IP6K2: variants seen among roughly 807,000 people sequenced by gnomAD.
IP6K2 encodes the protein ATP:1D-myo-inositol-hexakisphosphate phosphotransferase.
A neutral mutation model predicts 43.3 loss-of-function variants in IP6K2; 9 were observed. The observed-to-expected ratio is 0.21, with a 90% CI of 0.13 to 0.36. The LOEUF is 0.36. Among genes scored for constraint, IP6K2 ranks in the 10% least tolerant of loss-of-function variants. IP6K2 has a pLI of 1.00. For synonymous variants in IP6K2, 209 were observed against 202.4 expected, an observed-to-expected ratio of 1.03 and a Z score of -0.28; for missense variants, 332 against 538.4, an observed-to-expected ratio of 0.62 and a Z score of 3.79.
chr3:48,711,649 A>G (rs1460478900), intron 1 of IP6K2, among the ~76,000 whole-genome samples: 1 of 152,238 alleles, frequency 6.6e-6, no homozygotes, highest in Non-Finnish European at 1.5e-5. Context: ...TTCCATTCAT[A>G]ATAGATGAAA....
At chr3:48,703,400 C>A (rs1001283589) in intron 1 of IP6K2, among the ~76,000 whole-genome samples, 4 of 152,092 alleles carry the variant, frequency 2.6e-5, no homozygotes, top group African/African-American at 9.7e-5. Flanking sequence ...GTTGCTAAAT[C>A]GTCACTAAAA....
At position 48,688,944 on chromosome 3, in the gene IP6K2, G is replaced by A. The variant is rs145759696; in HGVS notation, c.781-171C>T. ...ATGCTCTCTGATCAGCCCCCACCTG[G>A]GATGCAGCCATCCAACCTGGGTTTG... On this transcript the variant is annotated intron_variant, in intron 5 of 5. Coordinates refer to ENST00000328631, the MANE Select transcript of IP6K2 (RefSeq NM_016291.4). The surrounding 1 kb of genome is among the most constrained non-coding windows in gnomAD (Gnocchi z 5.1). Among the ~76,000 whole-genome samples the A allele has an allele frequency of 7.7e-3, 1,173 of 152,296 alleles. 8 individuals are homozygous for A. Among genetic ancestry groups the A allele is most frequent in the Non-Finnish European group, 0.01 (681 of 68,020 alleles).
intron 1 of IP6K2, among the ~76,000 whole-genome samples, chr3:48,696,065 T>C (rs2078310110): frequency 6.6e-6 from 1 of 151,668 alleles, no homozygotes; most frequent in Non-Finnish European, 1.5e-5. Context: ...TTTGTATTTT[T>C]AGTAGAGACG....
At chr3:48,699,695 G>A (rs892114417) in intron 1 of IP6K2, 4 of 152,228 alleles carry the variant, frequency 2.6e-5, no homozygotes, top group African/African-American at 9.7e-5. Flanking sequence ...CCATCCTGTA[G>A]TGAGGTGGAG....
At chr3:48,704,058 C>T (rs997098689) in intron 1 of IP6K2, among the ~76,000 whole-genome samples, 6 of 152,012 alleles carry the variant, frequency 3.9e-5, no homozygotes, top group Non-Finnish European at 8.8e-5. Context: ...CGCCACTGCA[C>T]TCTAGCCTGG....
Position 48,695,595 on chromosome 3 carries a change from A to G in IP6K2, c.-130-174T>C. 1.2e-6 allele frequency: 1 copy of G among 800,654 alleles called. No homozygotes were observed. The highest frequency in any genetic ancestry group is 5.7e-5 in the South Asian group (1 of 17,676). 49.6% of individuals were successfully genotyped at this position (800,654 alleles called of 1,614,324 possible). On this transcript the variant is annotated intron_variant, in intron 1 of 5. Coordinates refer to ENST00000328631, the MANE Select transcript of IP6K2 (RefSeq NM_016291.4). The surrounding 1 kb of genome is among the most constrained non-coding windows in gnomAD (Gnocchi z 4.6). ...CCTTCTCCGGCAGAAAAACAAAAAC[A>G]CTATGAGCTCATGGGGCGGGGTTAG...
At position 48,692,128 on chromosome 3, in the gene IP6K2, C is replaced by T. The variant is rs80118683; in HGVS notation, c.429-646G>A. Among the ~76,000 whole-genome samples, 1,078 of 152,232 alleles carry T rather than the reference C, an allele frequency of 7.1e-3. 14 individuals are homozygous for T. The highest frequency in any genetic ancestry group is 0.024 in the African/African-American group (1,005 of 41,530). On this transcript the variant is annotated intron_variant, in intron 3 of 5. Coordinates refer to ENST00000328631, the MANE Select transcript of IP6K2 (RefSeq NM_016291.4). ...GATTACAGGCATGAGCCACCGCACC[C>T]GGCCAGAAACTTTCTACAGTAATGA...
At chr3:48,697,795 C>T (rs2078566529) in intron 1 of IP6K2, among the ~76,000 whole-genome samples, 1 of 152,108 alleles carries the variant, frequency 6.6e-6, no homozygotes, top group African/African-American at 2.4e-5. Flanking sequence ...CTGCCTGTCT[C>T]AGCCTCCCAA....
chr3:48,695,610 G>A lies in IP6K2; in HGVS notation c.-130-189C>T. ...AAACAAAAACACTATGAGCTCATGG[G>A]GCGGGGTTAGATGCAGACAGGCAGG... On this transcript the variant is annotated intron_variant, in intron 1 of 5. Coordinates refer to ENST00000328631, the MANE Select transcript of IP6K2 (RefSeq NM_016291.4). This position sits in a 1 kb window ranked among gnomAD's most constrained non-coding sequence, Gnocchi z 4.6. The A allele has an allele frequency of 1.5e-6, 1 of 665,668 alleles. No individual in the cohort carries two copies. Among genetic ancestry groups the A allele is most frequent in the Non-Finnish European group, 2.1e-6 (1 of 466,040 alleles). The allele number at this position is 665,668 out of a possible 1,614,324, so 41.2% of individuals were successfully genotyped here. A position where few individuals can be genotyped will look rare whatever the true frequency, so the allele number is the denominator to read the frequency against.
At chr3:48,715,543 G>A (rs1201690352) in intron 1 of IP6K2, 2 of 1,321,718 alleles carry the variant, frequency 1.5e-6, no homozygotes, top group African/African-American at 2.9e-5. Context: ...AAACACAAAA[G>A]AAATCTATTA....
Position 48,691,433 on chromosome 3 carries a change from A to G in IP6K2, c.478T>C (p.Tyr160His), listed in dbSNP as rs1341183905. The G allele has an allele frequency of 6.2e-7, 1 of 1,613,364 alleles. No homozygotes were observed. The stretch of plus-strand genomic sequence containing the variant: ...TTCCCCTTCTTCTCTACAGTGTAGT[A>G]CAAGACTTCAGATTTCTTTAGCCAC... ...FEWLKKSEVL[Y>H]YTVEKKGNIS... Residue 160 changes from tyrosine (Y) to histidine (H), a missense_variant, in exon 4 of 6, where the codon TAC (tyrosine) becomes CAC (histidine). Transcript: ENST00000328631.
intron 1 of IP6K2, among the ~76,000 whole-genome samples, chr3:48,706,539 A>G (rs1482862307): frequency 6.6e-6 from 1 of 152,180 alleles, no homozygotes; most frequent in Non-Finnish European, 1.5e-5. Context: ...AGACAGTTGT[A>G]ATATTGCTAT....
intron 1 of IP6K2, among the ~76,000 whole-genome samples, chr3:48,701,838 C>A (rs1262340325): frequency 6.6e-6 from 1 of 152,134 alleles, no homozygotes; most frequent in Non-Finnish European, 1.5e-5. Context: ...GCGGAGGTTG[C>A]AGTGAGCTGA....
At chr3:48,701,614 C>CCTG (rs1380127130) in intron 1 of IP6K2, among the ~76,000 whole-genome samples, 1 of 146,112 alleles carries the variant, frequency 6.8e-6, no homozygotes, top group Admixed American at 6.8e-5. Flanking sequence ...TTAAAAAGAT[C>CCTG]CTGCTGGGTG....
intron 3 of IP6K2, among the ~76,000 whole-genome samples, chr3:48,691,692 G>A (rs1413979389): frequency 1.3e-5 from 2 of 152,014 alleles, no homozygotes; most frequent in Non-Finnish European, 2.9e-5. Context: ...GGTGTGCTCG[G>A]GAGGCTGAGG....
intron 1 of IP6K2, chr3:48,708,278 TA>T: frequency 6.6e-6 from 1 of 151,752 alleles, no homozygotes; most frequent in Non-Finnish European, 1.5e-5. Flanking sequence ...AAATAAATAA[TA>T]AAAAAGAAAT....
intron 2 of IP6K2, chr3:48,693,995 GAC>G: frequency 7.2e-7 from 1 of 1,392,196 alleles, no homozygotes; most frequent in South Asian, 1.7e-5. Flanking sequence ...CCTTACAAAC[GAC>G]TGGCTGAACA....
intron 1 of IP6K2, among the ~76,000 whole-genome samples, chr3:48,715,816 C>T (rs1440811107): frequency 2.7e-5 from 4 of 150,862 alleles, no homozygotes; most frequent in Admixed American, 2.0e-4. Context: ...CTAACAATGC[C>T]TGTGAATTCT....
intron 1 of IP6K2, among the ~76,000 whole-genome samples, chr3:48,715,969 ATGTCAAATGTGATAAAGTATTCATT>A (rs1205015028): frequency 6.6e-6 from 1 of 151,906 alleles, no homozygotes; most frequent in Admixed American, 6.6e-5. Flanking sequence ...TTTGCCTATT[ATGTCAAATGTGATAAAGTATTCATT>A]TGGCCCTTTC....
Sources: allele counts gnomAD v4.1 joint callset (sites outside exome capture counted in the v4.1 genomes callset), GRCh38; gene constraint gnomAD v4.1.1; non-coding constraint Gnocchi (gnomAD v3.1); transcripts MANE v1.5; gene names NCBI Gene and HGNC (gene_info 2026-07-23, HGNC 2026-07-21).